The following ERN1 variants were observed in gnomAD, a reference collection of about 807,000 sequenced individuals.
The protein encoded by ERN1 is serine/threonine-protein kinase/endoribonuclease IRE1.
Under a neutral mutation model 113.1 loss-of-function variants are expected in ERN1, and 39 were observed. The ratio of observed to expected loss-of-function variants is 0.34; its 90% CI spans 0.27 to 0.45. ERN1 has a LOEUF of 0.45. Among genes scored for constraint, ERN1 ranks in the 20% least tolerant of loss-of-function variants. ERN1 has a pLI of 1.00. For synonymous variants in ERN1, 507 were observed against 515.9 expected, an observed-to-expected ratio of 0.98 and a Z score of 0.23; for missense variants, 976 against 1,274.8, an observed-to-expected ratio of 0.77 and a Z score of 3.57.
At chr17:64,092,302 T>C (rs2143441334) in intron 2 of ERN1, among the ~76,000 whole-genome samples, 1 of 152,180 alleles carries the variant, frequency 6.6e-6, no homozygotes, top group East Asian at 1.9e-4. Flanking sequence ...TCTATACTGC[T>C]TGGCCGTGAT....
At chr17:64,058,349 T>C (rs1912946534) in intron 11 of ERN1, among the ~76,000 whole-genome samples, 1 of 152,168 alleles carries the variant, frequency 6.6e-6, no homozygotes, top group South Asian at 2.1e-4. Context: ...ACTGAAGTCA[T>C]CTGTAACAAA....
intron 2 of ERN1, among the ~76,000 whole-genome samples, chr17:64,090,642 C>A (rs1008524106): frequency 1.3e-5 from 2 of 152,188 alleles, no homozygotes; most frequent in African/African-American, 4.8e-5. Flanking sequence ...TTCCAACACA[C>A]ACCAACCAAT....
rs531091437 is a variant in ERN1 at position 64,045,541 on chromosome 17, C to T, written c.2530-59G>A. ...AGTGCTGGAGATGCTGAGAGCTGTG[C>T]GACTGGGACTCAGTAACAGATCATC... On this transcript the variant is annotated intron_variant, in intron 19 of 21. Coordinates refer to ENST00000433197, the MANE Select transcript of ERN1 (RefSeq NM_001433.5). The T allele has an allele frequency of 2.9e-3, 4,618 of 1,607,900 alleles. 9 individuals carry two copies. Among genetic ancestry groups the T allele is most frequent in the Admixed American group, 3.7e-3 (223 of 59,912 alleles).
At chr17:64,109,902 T>C (rs1183035307) in intron 1 of ERN1, among the ~76,000 whole-genome samples, 1 of 152,172 alleles carries the variant, frequency 6.6e-6, no homozygotes. Flanking sequence ...AAGCTCCCCC[T>C]TTGAATCCTG....
At chr17:64,059,308 A>G (rs767831659) in intron 11 of ERN1, among the ~76,000 whole-genome samples, 4 of 152,198 alleles carry the variant, frequency 2.6e-5, no homozygotes, top group African/African-American at 4.8e-5. Flanking sequence ...TAAATCTCTC[A>G]ACTGAGTTTG....
intron 1 of ERN1, among the ~76,000 whole-genome samples, chr17:64,125,303 T>C (rs1598094826): frequency 6.6e-6 from 1 of 152,132 alleles, no homozygotes; most frequent in African/African-American, 2.4e-5. Flanking sequence ...TATCTTCCCC[T>C]GTTATCATAC....
At chr17:64,102,780 G>A (rs907616687) in intron 1 of ERN1, 6 of 985,134 alleles carry the variant, frequency 6.1e-6, no homozygotes, top group South Asian at 4.7e-5. Flanking sequence ...ATACCCTACG[G>A]CACACACACT....
intron 1 of ERN1, among the ~76,000 whole-genome samples, chr17:64,125,477 C>CAATGTTT (rs1915057069): frequency 6.6e-6 from 1 of 152,110 alleles, no homozygotes; most frequent in Admixed American, 6.6e-5. Context: ...CACAGAAGCT[C>CAATGTTT]AATGTTTTTT....
chr17:64,123,318 T>A (rs1914998808), intron 1 of ERN1, among the ~76,000 whole-genome samples: 1 of 152,196 alleles, frequency 6.6e-6, no homozygotes, highest in Admixed American at 6.5e-5. Flanking sequence ...AGAAAGTTGA[T>A]CTGAAACCAC....
intron 15 of ERN1, 92 bp from the exon 16 acceptor site, chr17:64,053,463 T>C: frequency 3.7e-6 from 3 of 821,818 alleles, no homozygotes; most frequent in Non-Finnish European, 5.2e-6. Context: ...AAGAAAGAAA[T>C]GGCAAGTTTT....
At chr17:64,075,086 G>T in intron 5 of ERN1, 89 bp downstream of exon 5, 1 of 1,082,524 alleles carries the variant, frequency 9.2e-7, no homozygotes, top group Non-Finnish European at 1.4e-6. Context: ...GCAAGGCGGT[G>T]ACTGCGCCCT....
chr17:64,054,716 G>C lies in ERN1; in HGVS notation c.1763+22C>G. 6.4e-7 allele frequency: 1 copy of C among 1,573,552 alleles called. No homozygotes were observed. Among genetic ancestry groups the C allele is most frequent in the Non-Finnish European group, 8.7e-7 (1 of 1,152,928 alleles). On this transcript the variant is annotated intron_variant, in intron 14 of 21. Coordinates refer to ENST00000433197, the MANE Select transcript of ERN1 (RefSeq NM_001433.5). This position sits in a 1 kb window ranked among gnomAD's most constrained non-coding sequence, Gnocchi z 4.9. ...ACTTAGACACCAGGCGGTGAGGGCA[G>C]GGGGCTGGCTAATCCACTCACCGGT...
At position 64,054,849 on chromosome 17, in the gene ERN1, G is replaced by A; in HGVS notation, c.1673-21C>T. The stretch of plus-strand genomic sequence containing the variant: ...CTCATCTGGGACAAAATAGGAAAAA[G>A]AGATTGTTTCAAACAGATATCACCT... On this transcript the variant is annotated intron_variant, in intron 13 of 21. Coordinates refer to ENST00000433197, the MANE Select transcript of ERN1 (RefSeq NM_001433.5). The surrounding 1 kb of genome is among the most constrained non-coding windows in gnomAD (Gnocchi z 4.9). 1.3e-6 allele frequency: 2 copies of A among 1,562,624 alleles called. No homozygotes were observed. The highest frequency in any genetic ancestry group is 1.8e-6 in the Non-Finnish European group (2 of 1,142,664).
chr17:64,048,400 G>A (rs376858467), intron 18 of ERN1, among the ~76,000 whole-genome samples: 3 of 152,128 alleles, frequency 2.0e-5, no homozygotes, highest in African/African-American at 4.8e-5. Flanking sequence ...CTGGAATAAC[G>A]TATATGCAAA....
At chr17:64,103,044 C>G (rs1027174565) in intron 1 of ERN1, 1 of 682,926 alleles carries the variant, frequency 1.5e-6, no homozygotes, top group Non-Finnish European at 1.8e-6. Context: ...TTGGTCCCCA[C>G]AGACATCAGA....
In ERN1 at chr17:64,120,626, A is replaced by C. The variant is rs1914930955; in HGVS notation, c.54+9350T>G. ...CAGTGAAACATCATGCTGAGTGAAA[A>C]ATGAAACTGACATGAAATAATCACA... is the stretch of plus-strand genomic sequence containing the variant. On this transcript the variant is annotated intron_variant, in intron 1 of 21. Coordinates refer to ENST00000433197, the MANE Select transcript of ERN1 (RefSeq NM_001433.5). Among the ~76,000 whole-genome samples the C allele has an allele frequency of 2.0e-5, 3 of 152,204 alleles. No individual in the cohort carries two copies. The South Asian group carries it at 6.2e-4, about 32-fold the overall frequency.
rs539339875 is a variant in ERN1 at position 64,049,566 on chromosome 17, C to T, written c.2254-364G>A. Among the ~76,000 whole-genome samples the T allele has an allele frequency of 6.6e-6, 1 of 152,176 alleles. No homozygotes were observed. The highest frequency in any genetic ancestry group is 1.5e-5 in the Non-Finnish European group (1 of 68,026). Reference sequence around the variant, plus strand: ...TCCTGGCTGTTATATATTCCTTACCCCCAACACGAAAGTGCTCACAGACAG... The same window carrying T: ...TCCTGGCTGTTATATATTCCTTACCTCCAACACGAAAGTGCTCACAGACAG... On this transcript the variant is annotated intron_variant, in intron 17 of 21. Coordinates refer to ENST00000433197, the MANE Select transcript of ERN1 (RefSeq NM_001433.5). The surrounding 1 kb of genome is among the most constrained non-coding windows in gnomAD (Gnocchi z 4.7).
At chr17:64,091,464 A>G (rs1914087195) in intron 2 of ERN1, among the ~76,000 whole-genome samples, 1 of 152,250 alleles carries the variant, frequency 6.6e-6, no homozygotes, top group Non-Finnish European at 1.5e-5. Flanking sequence ...AGCCCCAGTA[A>G]GGAGGTAGAA....
At chr17:64,058,269 AT>A (rs1020364564) in intron 11 of ERN1, among the ~76,000 whole-genome samples, 4 of 152,112 alleles carry the variant, frequency 2.6e-5, no homozygotes, top group Admixed American at 2.6e-4. Flanking sequence ...GACCCTACAT[AT>A]TTTTTTCAAA....
Sources: gnomAD v4.1 joint callset for allele counts (sites outside exome capture counted in the v4.1 genomes callset) on GRCh38, gnomAD v4.1.1 for gene constraint, Gnocchi (gnomAD v3.1) non-coding constraint, MANE v1.5 for transcripts, NCBI Gene and HGNC (gene_info 2026-07-23, HGNC 2026-07-21) for gene names.